The following RIMS1 variants were observed in gnomAD, a reference collection of about 807,000 sequenced individuals.
RIMS1 encodes regulating synaptic membrane exocytosis protein 1.
Under a neutral mutation model 214.1 loss-of-function variants are expected in RIMS1, and 83 were observed. That is an observed-to-expected ratio of 0.39 (90% CI 0.32 to 0.47). The LOEUF is 0.47. Among genes scored for constraint, RIMS1 ranks in the 20% least tolerant of loss-of-function variants. RIMS1 has a pLI of 0.99. For synonymous variants in RIMS1, 793 were observed against 786.8 expected (o/e 1.01, Z -0.13); for missense variants, 2,050 against 2,161.8 (o/e 0.95, Z 1.03).
intron 1 of RIMS1, among the ~76,000 whole-genome samples, chr6:71,922,309 C>T (rs1780236120): frequency 6.6e-6 from 1 of 152,186 alleles, no homozygotes; most frequent in Non-Finnish European, 1.5e-5. Context: ...TAAACAATAA[C>T]TTGCTCTTCC....
intron 4 of RIMS1, among the ~76,000 whole-genome samples, chr6:72,161,682 A>C (rs183841314): frequency 2.1e-5 from 3 of 140,026 alleles, no homozygotes; most frequent in African/African-American, 7.4e-5. Flanking sequence ...TTCAGTATCC[A>C]TGTAGGTGAG....
At chr6:71,996,576 A>C (rs1339266597) in intron 2 of RIMS1, among the ~76,000 whole-genome samples, 1 of 152,202 alleles carries the variant, frequency 6.6e-6, no homozygotes, top group Non-Finnish European at 1.5e-5. Context: ...TTTTCTCTGC[A>C]CTACTTATAA....
At chr6:72,282,153 C>G (rs2090428527) in intron 23 of RIMS1, among the ~76,000 whole-genome samples, 1 of 152,120 alleles carries the variant, frequency 6.6e-6, no homozygotes, top group Non-Finnish European at 1.5e-5. Flanking sequence ...ATTTGATCTT[C>G]CAGTCAGTTG....
rs535769202 is a variant in RIMS1, at chr6:72,190,306, A to G, written c.1678+7157A>G. On this transcript the variant is annotated intron_variant, in intron 6 of 33. Coordinates refer to ENST00000521978, the MANE Select transcript of RIMS1 (RefSeq NM_014989.7). ...TGGAGAAACCCCATCTCTACTAAAA[A>G]TACAAAATTAGCCGGGCATATTGGT... Among the ~76,000 whole-genome samples the G allele has an allele frequency of 2.0e-5, 3 of 152,152 alleles. No individual in the cohort carries two copies. In the East Asian group the frequency reaches 5.8e-4, roughly 29 times the overall value.
At chr6:72,109,163 G>A (rs1169869101) in intron 4 of RIMS1, among the ~76,000 whole-genome samples, 3 of 152,088 alleles carry the variant, frequency 2.0e-5, no homozygotes, top group African/African-American at 4.8e-5. Flanking sequence ...ATAAACATAC[G>A]TGTGCATGTG....
chr6:72,041,038 A>G (rs944640346), intron 2 of RIMS1, among the ~76,000 whole-genome samples: 7 of 151,932 alleles, frequency 4.6e-5, no homozygotes, highest in African/African-American at 7.2e-5. Flanking sequence ...TTGTTTTTAG[A>G]GTATAATGAC....
At chr6:71,922,340 T>C (rs1780248913) in intron 1 of RIMS1, among the ~76,000 whole-genome samples, 1 of 152,160 alleles carries the variant, frequency 6.6e-6, no homozygotes, top group Admixed American at 6.5e-5. Flanking sequence ...CATCTCCTGG[T>C]AACTCTATTA....
intron 24 of RIMS1, among the ~76,000 whole-genome samples, chr6:72,289,142 A>T (rs953628652): frequency 1.3e-5 from 2 of 152,322 alleles, no homozygotes; most frequent in East Asian, 1.9e-4. Flanking sequence ...GAATTGCTTT[A>T]AGGAATGGAG....
At chr6:72,131,997 A>G (rs930497916) in intron 4 of RIMS1, among the ~76,000 whole-genome samples, 7 of 152,206 alleles carry the variant, frequency 4.6e-5, no homozygotes, top group African/African-American at 1.7e-4. Flanking sequence ...GTCAGAGTTT[A>G]AGGTTATCTC....
chr6:71,931,097 A>G (rs971880257), intron 1 of RIMS1, among the ~76,000 whole-genome samples: 6 of 152,056 alleles, frequency 3.9e-5, no homozygotes, highest in Non-Finnish European at 8.8e-5. Flanking sequence ...ATTCAAATAC[A>G]TTGACCCTTA....
intron 6 of RIMS1, among the ~76,000 whole-genome samples, chr6:72,196,086 T>C (rs1322791785): frequency 2.6e-5 from 4 of 152,064 alleles, no homozygotes; most frequent in Non-Finnish European, 5.9e-5. Context: ...GAGATTTGGG[T>C]GGGGACACAA....
At chr6:71,998,659 G>T (rs1194564708) in intron 2 of RIMS1, among the ~76,000 whole-genome samples, 1 of 152,068 alleles carries the variant, frequency 6.6e-6, no homozygotes, top group African/African-American at 2.4e-5. Flanking sequence ...ATGTCTATCT[G>T]CATGCCGATA....
intron 2 of RIMS1, among the ~76,000 whole-genome samples, chr6:71,993,442 A>C (rs1802490092): frequency 2.0e-5 from 3 of 152,152 alleles, no homozygotes; most frequent in Admixed American, 2.0e-4. Context: ...GAACATTGCT[A>C]TTTTGGTGTG....
At chr6:72,288,025 A>C (rs766178310) in intron 24 of RIMS1, among the ~76,000 whole-genome samples, 1 of 152,222 alleles carries the variant, frequency 6.6e-6, no homozygotes, top group Non-Finnish European at 1.5e-5. Flanking sequence ...ATACTTGGAC[A>C]TATGGTTTGT....
chr6:72,068,724 C>G (rs1829895756), intron 2 of RIMS1, among the ~76,000 whole-genome samples: 1 of 151,676 alleles, frequency 6.6e-6, no homozygotes, highest in Admixed American at 6.6e-5. Flanking sequence ...GAGATCGAGA[C>G]CACGGTGAAA....
chr6:72,376,647 T>A (rs1371172480), intron 29 of RIMS1, among the ~76,000 whole-genome samples: 2 of 150,824 alleles, frequency 1.3e-5, no homozygotes, highest in African/African-American at 4.9e-5. Flanking sequence ...CTTGGGAGAC[T>A]AAGGTGGAAG....
intron 29 of RIMS1, among the ~76,000 whole-genome samples, chr6:72,343,154 CT>C (rs2097151198): frequency 6.6e-6 from 1 of 151,824 alleles, no homozygotes; most frequent in Non-Finnish European, 1.5e-5. Context: ...ATTAGCTATT[CT>C]TTTGTCTTTC....
At chr6:72,358,414 GT>G (rs2097715575) in intron 29 of RIMS1, among the ~76,000 whole-genome samples, 1 of 151,852 alleles carries the variant, frequency 6.6e-6, no homozygotes, top group South Asian at 2.1e-4. Flanking sequence ...GTTCTCATTT[GT>G]ATGAGAACTG....
chr6:72,064,614 G>T (rs576202949), intron 2 of RIMS1, among the ~76,000 whole-genome samples: 78 of 152,316 alleles, frequency 5.1e-4, no homozygotes, highest in African/African-American at 1.8e-3. Context: ...GCGTCATCTC[G>T]ATCAAGCGAT....
Sources: gnomAD v4.1 joint callset for allele counts (sites outside exome capture counted in the v4.1 genomes callset) on GRCh38, gnomAD v4.1.1 for gene constraint, MANE v1.5 for transcripts, NCBI Gene and HGNC (gene_info 2026-07-23, HGNC 2026-07-21) for gene names.